ATRX: variants seen among roughly 807,000 people sequenced by gnomAD.
ATRX encodes the protein chromatin remodeler ATRX.
In ATRX, 12 loss-of-function variants were observed where a neutral mutation model predicts 172.6. The ratio of observed to expected loss-of-function variants is 0.07; its 90% CI spans 0.04 to 0.11. The LOEUF (loss-of-function observed/expected upper bound fraction) is 0.11, where lower values mean the gene tolerates loss of function less well. Ranked by LOEUF, ATRX falls within the 10% of genes least tolerant of loss-of-function variation. The probability of loss-of-function intolerance (pLI) is 1.00; values close to 1 mark genes in which losing one functional copy is unlikely to be tolerated. For missense variants in ATRX, 1,368 were observed against 1,767.4 expected, an observed-to-expected ratio of 0.77 and a Z score of 4.05; for synonymous variants, 674 against 594.7, an observed-to-expected ratio of 1.13 and a Z score of -1.94.
chrX:77,755,110 T>G (rs2148890454), intron 1 of ATRX, among the ~76,000 whole-genome samples: 1 of 112,879 alleles, frequency 8.9e-6, no homozygotes, highest in Non-Finnish European at 1.9e-5. Flanking sequence ...ATATCCTTTT[T>G]TCCGCTTCAG....
At chrX:77,668,874 C>G (rs1557127856) in intron 10 of ATRX, among the ~76,000 whole-genome samples, 1 of 109,474 alleles carries the variant, frequency 9.1e-6, no homozygotes, top group Non-Finnish European at 1.9e-5. Flanking sequence ...GCCAAGAAAG[C>G]CTTTATTAAC....
At chrX:77,642,697 A>C (rs377044741) in intron 15 of ATRX, among the ~76,000 whole-genome samples, 2 of 111,338 alleles carry the variant, frequency 1.8e-5, no homozygotes. Context: ...GATATCAACA[A>C]AACAATAGAT....
intron 30 of ATRX, among the ~76,000 whole-genome samples, chrX:77,557,120 A>T (rs1301501676): frequency 1.8e-5 from 2 of 112,086 alleles, no homozygotes; most frequent in African/African-American, 3.2e-5. Flanking sequence ...ATAAATTCGA[A>T]GTAATTTCCC....
chrX:77,765,510 T>G (rs1488601482), intron 1 of ATRX, among the ~76,000 whole-genome samples: 1 of 111,146 alleles, frequency 9.0e-6, no homozygotes, highest in Non-Finnish European at 1.9e-5. Flanking sequence ...TACAGAAGTG[T>G]TATAAAATAC....
chrX:77,570,049 TG>T lies in ATRX; in HGVS notation c.6326+4200del, dbSNP rs782703352. 1.4e-4 allele frequency among the ~76,000 whole-genome samples: 16 copies of T among 111,790 alleles called. No individual in the cohort carries two copies. In the East Asian group the frequency reaches 4.5e-3, roughly 31 times the overall value. On this transcript the variant is annotated intron_variant, in intron 28 of 34. Coordinates refer to ENST00000373344, the MANE Select transcript of ATRX (RefSeq NM_000489.6). ...TACAGTAATCAAGACTATGTAGTAA[TG>T]ATGCAGAGAAAGACATATGGAATAA... is the stretch of plus-strand genomic sequence containing the variant.
chrX:77,605,392 C>T (rs1294206883), intron 22 of ATRX, among the ~76,000 whole-genome samples: 1 of 111,116 alleles, frequency 9.0e-6, no homozygotes, highest in Non-Finnish European at 1.9e-5. Flanking sequence ...CGCACCACTG[C>T]ACTCCAGCCT....
chrX:77,619,136 A>C (rs1002512334), intron 20 of ATRX, among the ~76,000 whole-genome samples, 155 bp from the exon 21 acceptor site: 8 of 112,158 alleles, frequency 7.1e-5, no homozygotes, highest in Non-Finnish European at 1.3e-4. Flanking sequence ...CATGGTTATA[A>C]GTCTGATCTA....
intron 30 of ATRX, among the ~76,000 whole-genome samples, chrX:77,525,669 G>A (rs2063356750): frequency 8.9e-6 from 1 of 112,268 alleles, no homozygotes; most frequent in African/African-American, 3.2e-5. Context: ...ATTTCTATCT[G>A]TGCTACTGAT....
chrX:77,745,948 T>G lies in ATRX; in HGVS notation c.21-28705A>C, dbSNP rs1282260063. On this transcript the variant is annotated intron_variant, in intron 1 of 34. Coordinates refer to ENST00000373344, the MANE Select transcript of ATRX (RefSeq NM_000489.6). ...TTTTTTATTTTAAAAATACCCACAA[T>G]GAGGTATCATCCAGCCCCAGTTAGA... is the stretch of plus-strand genomic sequence containing the variant. 5.4e-5 allele frequency among the ~76,000 whole-genome samples: 6 copies of G among 111,367 alleles called. No individual in the cohort carries two copies. The East Asian group carries it at 1.7e-3, about 31-fold the overall frequency.
At chrX:77,687,269 A>C (rs1440731998) in intron 7 of ATRX, among the ~76,000 whole-genome samples, 1 of 111,289 alleles carries the variant, frequency 9.0e-6, no homozygotes, top group Non-Finnish European at 1.9e-5. Context: ...TTGGGTACTT[A>C]ACAATTTTAA....
intron 15 of ATRX, among the ~76,000 whole-genome samples, chrX:77,646,956 A>G (rs2068952016): frequency 9.1e-6 from 1 of 109,866 alleles, no homozygotes; most frequent in South Asian, 3.9e-4. Context: ...CCTAACAGAC[A>G]TATAAAGAAC....
chrX:77,740,802 T>C (rs929139881), intron 1 of ATRX, among the ~76,000 whole-genome samples: 1 of 108,802 alleles, frequency 9.2e-6, no homozygotes, highest in Non-Finnish European at 1.9e-5. Context: ...AAAAGACAAA[T>C]GGGGAGGAAA....
intron 2 of ATRX, among the ~76,000 whole-genome samples, chrX:77,706,218 G>A (rs980864480): frequency 3.4e-4 from 36 of 107,197 alleles, no homozygotes; most frequent in Non-Finnish European, 6.2e-4. Flanking sequence ...TCCTGGGCCC[G>A]AGTACCCCTC....
At chrX:77,744,527 C>T (rs2074991193) in intron 1 of ATRX, among the ~76,000 whole-genome samples, 1 of 111,790 alleles carries the variant, frequency 8.9e-6, no homozygotes, top group Non-Finnish European at 1.9e-5. Context: ...CACGATTCTG[C>T]AGCAACAGAT....
chrX:77,635,722 T>C (rs1016530499), intron 16 of ATRX, among the ~76,000 whole-genome samples, 193 bp downstream of exon 16: 4 of 112,172 alleles, frequency 3.6e-5, no homozygotes, highest in African/African-American at 9.7e-5. Context: ...ATAACGCTCA[T>C]TGTGTTTGAA....
intron 1 of ATRX, among the ~76,000 whole-genome samples, chrX:77,774,220 C>CAAA (rs560411888): frequency 1.2e-5 from 1 of 86,021 alleles, no homozygotes. Flanking sequence ...AAAACTGTCT[C>CAAA]AAAAAAAAAA....
intron 1 of ATRX, among the ~76,000 whole-genome samples, chrX:77,733,554 G>C: frequency 9.1e-6 from 1 of 109,485 alleles, no homozygotes; most frequent in East Asian, 2.8e-4. Flanking sequence ...ACATATGCTG[G>C]GGAAAAGAAA....
intron 17 of ATRX, 85 bp from the exon 18 acceptor site, chrX:77,633,797 G>T: frequency 1.2e-5 from 12 of 1,017,783 alleles, no homozygotes; most frequent in East Asian, 3.4e-5. Flanking sequence ...TTATAGCTTT[G>T]TTTTGCTTAA....
intron 1 of ATRX, among the ~76,000 whole-genome samples, chrX:77,763,134 T>G (rs782186684): frequency 2.7e-5 from 3 of 109,408 alleles, no homozygotes; most frequent in Non-Finnish European, 5.7e-5. Flanking sequence ...TATATATATA[T>G]AGTTGTCTTT....
Sources: gnomAD v4.1 joint callset for allele counts (sites outside exome capture counted in the v4.1 genomes callset) on GRCh38, gnomAD v4.1.1 for gene constraint, MANE v1.5 for transcripts, NCBI Gene and HGNC (gene_info 2026-07-23, HGNC 2026-07-21) for gene names.